NWD1: variants seen among roughly 807,000 people sequenced by gnomAD.
NWD1 encodes NACHT domain- and WD repeat-containing protein 1.
A neutral mutation model predicts 135.1 loss-of-function variants in NWD1; 129 were observed. The ratio of observed to expected loss-of-function variants is 0.96; its 90% CI spans 0.83 to 1.11. The LOEUF (loss-of-function observed/expected upper bound fraction) is 1.11. Among genes scored for constraint, NWD1 ranks in the 50% least tolerant of loss-of-function variants. The probability of loss-of-function intolerance (pLI) is 0.00; values close to 1 mark genes in which losing one functional copy is unlikely to be tolerated. For missense variants in NWD1, 1,740 were observed against 1,851.3 expected, an observed-to-expected ratio of 0.94 and a Z score of 1.10; for synonymous variants, 773 against 786.0, an observed-to-expected ratio of 0.98 and a Z score of 0.28.
At chr19:16,783,518 C>G (rs908109409) in intron 12 of NWD1, among the ~76,000 whole-genome samples, 4 of 151,912 alleles carry the variant, frequency 2.6e-5, no homozygotes, top group Non-Finnish European at 5.9e-5. Context: ...CCTGTAATCC[C>G]AGCTACTCGG....
intron 12 of NWD1, among the ~76,000 whole-genome samples, chr19:16,780,615 T>TTTCTCTTTCCTTTCCTTTCCTTTCTC (rs1157523877): frequency 2.0e-5 from 3 of 152,086 alleles, no homozygotes; most frequent in Non-Finnish European, 2.9e-5. Flanking sequence ...CTTCTTTTCT[T>TTTCTCTTTCCTTTCCTTTCCTTTCTC]TTCTCTTTCC....
rs1001762850 is a variant in NWD1 at position 16,735,437 on chromosome 19, C to T, written c.82-1197C>T. ...AGGAGAATTGCTTGAACTCGGGAGG[C>T]GGAGGTTGTGGTGAGCTGAGAGTGC... On this transcript the variant is annotated intron_variant, in intron 3 of 18. Transcript: ENST00000524140. Among the ~76,000 whole-genome samples the T allele has an allele frequency of 1.3e-5, 2 of 150,016 alleles. 1 individual carries two copies.
At chr19:16,764,930 A>T in intron 9 of NWD1, 104 bp from the exon 10 acceptor site, 1 of 1,251,146 alleles carries the variant, frequency 8.0e-7, no homozygotes, top group Non-Finnish European at 1.1e-6. Context: ...ACTACTGCTG[A>T]GCCTGAGATG....
At chr19:16,788,172 A>C (rs1429571761) in intron 12 of NWD1, among the ~76,000 whole-genome samples, 6 of 147,166 alleles carry the variant, frequency 4.1e-5, no homozygotes, top group Non-Finnish European at 8.9e-5. Context: ...GAAGGTTGCA[A>C]TAAGCCAGGG....
chr19:16,774,120 G>T (rs1969514488), intron 11 of NWD1, among the ~76,000 whole-genome samples: 1 of 112,658 alleles, frequency 8.9e-6, no homozygotes, highest in African/African-American at 3.5e-5. Flanking sequence ...CATCTTCTCT[G>T]CCACCCTTCC....
chr19:16,737,085 A>G (rs1199333438), intron 4 of NWD1, among the ~76,000 whole-genome samples: 4 of 151,374 alleles, frequency 2.6e-5, no homozygotes, highest in Non-Finnish European at 5.9e-5. Context: ...CTGGAAAGCC[A>G]TGGAAAAGGT....
intron 6 of NWD1, among the ~76,000 whole-genome samples, chr19:16,753,982 C>A (rs1486330251): frequency 6.6e-6 from 1 of 151,570 alleles, no homozygotes; most frequent in East Asian, 1.9e-4. Context: ...TCCTTCCATC[C>A]ATCATCTCTA....
Position 16,759,394 on chromosome 19 carries a change from G to A in NWD1, c.1939G>A (p.Val647Met). The A allele has an allele frequency of 1.3e-6, 2 of 1,588,058 alleles. No individual in the cohort carries two copies. The highest frequency in any genetic ancestry group is 1.3e-5 in the African/African-American group (1 of 74,402). ...DLGYYLARRP[V>M]DGFTLLAIAH... ...GGGATACTACTTGGCCCGGCGGCCC[G>A]TGGATGGCTTCACCCTCCTGGCCAT... The change falls in exon 7 of 19, where the codon GTG becomes ATG. Residue 647 changes from valine (V) to methionine (M), a missense_variant. Val to Met is a conservative substitution (Grantham distance 21). Coordinates refer to ENST00000524140, the MANE Select transcript of NWD1 (RefSeq NM_001007525.5).
intron 7 of NWD1, 103 bp from the exon 8 acceptor site, chr19:16,761,876 T>C: frequency 1.1e-6 from 1 of 923,038 alleles, no homozygotes; most frequent in East Asian, 2.5e-5. Flanking sequence ...ACAGAGTGGT[T>C]TAGGATGGCT....
chr19:16,738,245 G>C, intron 4 of NWD1: 3 of 453,972 alleles, frequency 6.6e-6, no homozygotes, highest in Non-Finnish European at 1.3e-5. Context: ...GCTGATCCCT[G>C]TCCTGGACAG....
chr19:16,759,118 G>A, intron 6 of NWD1, 107 bp from the exon 7 acceptor site: 1 of 866,328 alleles, frequency 1.2e-6, no homozygotes, highest in Non-Finnish European at 1.9e-6. Flanking sequence ...CAGGTGATGT[G>A]CTGGACACCG....
chr19:16,796,765 G>A (rs8109655), intron 15 of NWD1, among the ~76,000 whole-genome samples: 7,643 of 151,898 alleles, frequency 0.05, 256 homozygotes, highest in African/African-American at 0.098. Context: ...AGTTATCAAA[G>A]GCCTGCTGTG....
intron 6 of NWD1, among the ~76,000 whole-genome samples, chr19:16,757,360 G>A (rs60667961): frequency 0.044 from 6,653 of 152,038 alleles, 478 homozygotes; most frequent in African/African-American, 0.15. Flanking sequence ...TTCCTCCTCC[G>A]CATGGAGGGG....
chr19:16,753,888 T>A (rs1214743169), intron 6 of NWD1, among the ~76,000 whole-genome samples: 15 of 147,690 alleles, frequency 1.0e-4, no homozygotes, highest in Admixed American at 1.4e-4. Flanking sequence ...CGACCTTTCA[T>A]CCATCCATTG....
At position 16,765,071 on chromosome 19, in the gene NWD1, G is replaced by A. The variant is rs1159671057; in HGVS notation, c.2289G>A (p.Gly763=). 2 of 1,614,096 alleles carry A rather than the reference G, an allele frequency of 1.2e-6. No homozygotes were observed. The highest frequency in any genetic ancestry group is 1.7e-6 in the Non-Finnish European group (2 of 1,180,028). The change falls in exon 10 of 19, where the codon GGG becomes GGA. Residue 763 remains glycine, a synonymous_variant. Transcript: ENST00000524140. ...GGATTTCCTGCCGGGGCATCTCTGG[G>A]GGCATTGAAGACCTGCTGGATGACT... ...MSWISCRGIS[G]GIEDLLDDFD...
chr19:16,733,614 A>T (rs143011868), intron 3 of NWD1, among the ~76,000 whole-genome samples: 36 of 152,278 alleles, frequency 2.4e-4, no homozygotes, highest in African/African-American at 8.4e-4. Context: ...TTTATTACTA[A>T]GAAAGAAGCA....
At chr19:16,751,341 GAT>G (rs1968569844) in intron 6 of NWD1, among the ~76,000 whole-genome samples, 1 of 151,758 alleles carries the variant, frequency 6.6e-6, no homozygotes, top group Non-Finnish European at 1.5e-5. Context: ...TTGCTTTTTG[GAT>G]ATAGCAAGAA....
chr19:16,789,179 T>C lies in NWD1; in HGVS notation c.2929T>C (p.Ser977Pro). The part of the protein sequence containing the change: ...DEAHKVVYSA[S>P]GSKINAWNLE... ...GGCACACAAAGTTGTGTATTCAGCA[T>C]CTGGCTCAAAGGTAACAAACATATG... Residue 977 changes from serine (S) to proline (P), a missense_variant, in exon 13 of 19, where the codon TCT becomes CCT. Ser to Pro is a moderately conservative substitution (Grantham distance 74). Transcript: ENST00000524140. 6.2e-7 allele frequency: 1 copy of C among 1,613,576 alleles called. No homozygotes were observed. Among genetic ancestry groups the C allele is most frequent in the Non-Finnish European group, 8.5e-7 (1 of 1,179,518 alleles).
At chr19:16,732,654 C>CAAAAAAAAAAA (rs759471981) in intron 3 of NWD1, among the ~76,000 whole-genome samples, 1 of 30,322 alleles carries the variant, frequency 3.3e-5, no homozygotes, top group Admixed American at 2.7e-4. Flanking sequence ...GACTTCATCT[C>CAAAAAAAAAAA]AAAAAAAAAA....
Sources: gnomAD v4.1 joint callset for allele counts (sites outside exome capture counted in the v4.1 genomes callset) on GRCh38, gnomAD v4.1.1 for gene constraint, MANE v1.5 for transcripts, NCBI Gene and HGNC (gene_info 2026-07-23, HGNC 2026-07-21) for gene names.